Variants in MATCAP1 observed in about 807,000 individuals in gnomAD.
MATCAP1 encodes the protein microtubule associated tyrosine carboxypeptidase 1, also known as microtubule-associated tyrosine carboxypeptidase 1.
chr16:67,180,440 C>T, the MATCAP1 span: 4 of 1,611,048 alleles, frequency 2.5e-6, no homozygotes, highest in Non-Finnish European at 2.5e-6. Context: ...GCTGGGGCTG[C>T]AGCGCTGGGG....
At chr16:67,177,979 C>G in the MATCAP1 span, 1 of 1,580,514 alleles carries the variant, frequency 6.3e-7, no homozygotes, top group Non-Finnish European at 8.7e-7. Flanking sequence ...AGGGAGCTGG[C>G]TGGGACCTCT....
the MATCAP1 span, chr16:67,180,537 C>T: frequency 4.5e-6 from 7 of 1,545,396 alleles, 1 homozygote; most frequent in South Asian, 6.2e-5. Flanking sequence ...CAGCCTATGG[C>T]GCAGGGATGG....
the MATCAP1 span, chr16:67,179,941 C>T: frequency 6.2e-7 from 1 of 1,614,230 alleles, no homozygotes; most frequent in East Asian, 2.2e-5. This position sits in a 1 kb window ranked among gnomAD's most constrained non-coding sequence, Gnocchi z 5.2. Flanking sequence ...CCAGAACAGC[C>T]TCAATGATGC....
At chr16:67,178,458 G>C in the MATCAP1 span, 2 of 1,534,468 alleles carry the variant, frequency 1.3e-6, no homozygotes, top group Non-Finnish European at 1.7e-6. Context: ...CCTCCGCGTT[G>C]TGCCACGGCT....
the MATCAP1 span, chr16:67,178,167 G>T: frequency 6.9e-7 from 1 of 1,447,828 alleles, no homozygotes. Flanking sequence ...CCCCACCCCG[G>T]CTCTAGGCAC....
the MATCAP1 span, chr16:67,176,774 T>A: frequency 7.4e-6 from 11 of 1,495,978 alleles, no homozygotes; most frequent in Non-Finnish European, 9.8e-6. This position sits in a 1 kb window ranked among gnomAD's most constrained non-coding sequence, Gnocchi z 4.3. Context: ...ATCTGGAGCT[T>A]CTGTCCAGGG....
chr16:67,178,305 G>A, the MATCAP1 span: 11 of 1,582,494 alleles, frequency 7.0e-6, no homozygotes, highest in East Asian at 2.6e-4. Flanking sequence ...GCTGACGGAA[G>A]GACATGCGCG....
the MATCAP1 span, chr16:67,179,108 C>A: frequency 8.4e-7 from 1 of 1,192,444 alleles, no homozygotes; most frequent in Non-Finnish European, 1.0e-6. The surrounding 1 kb of genome is among the most constrained non-coding windows in gnomAD (Gnocchi z 5.2). Context: ...CTGGTGGGAC[C>A]CTGAGGGTTC....
chr16:67,179,859 A>G, the MATCAP1 span: 3 of 1,614,032 alleles, frequency 1.9e-6, no homozygotes, highest in Non-Finnish European at 2.5e-6. This position sits in a 1 kb window ranked among gnomAD's most constrained non-coding sequence, Gnocchi z 5.2. Flanking sequence ...CGCACAATCG[A>G]CCATATCTGG....
At chr16:67,182,811 C>T in the MATCAP1 span, among the ~76,000 whole-genome samples, 1 of 152,154 alleles carries the variant, frequency 6.6e-6, no homozygotes, top group African/African-American at 2.4e-5. Context: ...AATAGTAAAC[C>T]TCCTCTCCCC....
At chr16:67,178,163 CCCGGCTCT>C in the MATCAP1 span, 1 of 1,553,156 alleles carries the variant, frequency 6.4e-7, no homozygotes, top group Non-Finnish European at 8.7e-7. Flanking sequence ...CCGCCCCCAC[CCCGGCTCT>C]AGGCACCTCC....
chr16:67,180,585 G>A, the MATCAP1 span: 13 of 1,521,752 alleles, frequency 8.5e-6, no homozygotes, highest in East Asian at 9.1e-5. Context: ...CTGATCATAC[G>A]CCTGAGCCCC....
At chr16:67,180,005 G>A in the MATCAP1 span, 5 of 1,612,900 alleles carry the variant, frequency 3.1e-6, no homozygotes, top group Middle Eastern at 1.6e-4. Flanking sequence ...CCCTTGGGTG[G>A]TCAGGGCCAG....
chr16:67,180,655 C>A, the MATCAP1 span: 3 of 1,385,006 alleles, frequency 2.2e-6, no homozygotes, highest in Non-Finnish European at 2.9e-6. Flanking sequence ...CAACTCCCCA[C>A]ACTGTCGACC....
At chr16:67,179,501 C>G in the MATCAP1 span, 1 of 1,613,132 alleles carries the variant, frequency 6.2e-7, no homozygotes, top group Non-Finnish European at 8.5e-7. This position sits in a 1 kb window ranked among gnomAD's most constrained non-coding sequence, Gnocchi z 5.2. Flanking sequence ...CAATGTGGGC[C>G]GGCTGTTCTC....
chr16:67,178,214 C>A, the MATCAP1 span: 1 of 1,519,114 alleles, frequency 6.6e-7, no homozygotes, highest in Non-Finnish European at 8.9e-7. Flanking sequence ...AGCGAGGTGT[C>A]GGTCTGGCCG....
the MATCAP1 span, chr16:67,179,605 C>T: frequency 8.8e-6 from 14 of 1,584,020 alleles, no homozygotes; most frequent in Middle Eastern, 1.7e-4. This position sits in a 1 kb window ranked among gnomAD's most constrained non-coding sequence, Gnocchi z 5.2. Context: ...CAGCCTGGGG[C>T]CAGGGTGCAG....
the MATCAP1 span, chr16:67,178,220 G>C: frequency 6.5e-7 from 1 of 1,542,096 alleles, no homozygotes; most frequent in Non-Finnish European, 8.8e-7. Flanking sequence ...GTGTCGGTCT[G>C]GCCGCGCTTG....
At chr16:67,179,642 C>T in the MATCAP1 span, 35 of 1,492,520 alleles carry the variant, frequency 2.3e-5, no homozygotes, top group African/African-American at 8.2e-5. This position sits in a 1 kb window ranked among gnomAD's most constrained non-coding sequence, Gnocchi z 5.2. Flanking sequence ...CACAGGGCAG[C>T]GAGGCCAGAC....
Sources: gnomAD v4.1 joint callset for allele counts (sites outside exome capture counted in the v4.1 genomes callset) on GRCh38, gnomAD v4.1.1 for gene constraint, Gnocchi (gnomAD v3.1) non-coding constraint, MANE v1.5 for transcripts, NCBI Gene and HGNC (gene_info 2026-07-23, HGNC 2026-07-21) for gene names.